The following FRAS1 variants were observed in gnomAD, a reference collection of about 807,000 sequenced individuals.
The protein encoded by FRAS1 is Fraser extracellular matrix complex subunit 1.
A neutral mutation model predicts 435.2 loss-of-function variants in FRAS1; 290 were observed. The observed-to-expected ratio is 0.67, with a 90% CI of 0.61 to 0.73. The LOEUF (loss-of-function observed/expected upper bound fraction) is 0.73, where lower values mean the gene tolerates loss of function less well. Ranked by LOEUF, FRAS1 falls within the 30% of genes least tolerant of loss-of-function variation. The probability of loss-of-function intolerance (pLI) is 0.00; values close to 1 mark genes in which losing one functional copy is unlikely to be tolerated. For missense variants in FRAS1, 4,860 were observed against 5,001.5 expected (o/e 0.97, Z 0.85); for synonymous variants, 1,800 against 1,851.0 (o/e 0.97, Z 0.71).
Position 78,393,008 on chromosome 4 carries a change from C to CT in FRAS1, c.3975+5322dup, listed in dbSNP as rs36105436. Reference sequence around the variant, plus strand: ...TGAGTGGGAAGATTCATGCTTCTTCCTTTTTTTTTTTTTTTAAAAAAAACC... The same window carrying CT: ...TGAGTGGGAAGATTCATGCTTCTTCCTTTTTTTTTTTTTTTTAAAAAAAACC... On this transcript the variant is annotated intron_variant, in intron 29 of 73. Transcript: ENST00000512123. Among the ~76,000 whole-genome samples the CT allele has an allele frequency of 3.2e-3, 449 of 139,408 alleles. 2 individuals carry two copies. The highest frequency in any genetic ancestry group is 7.4e-3 in the South Asian group (32 of 4,320). 91.5% of individuals were successfully genotyped at this position (139,408 alleles called of 152,430 possible).
At chr4:78,461,906 T>C (rs1211961941) in intron 47 of FRAS1, among the ~76,000 whole-genome samples, 1 of 152,196 alleles carries the variant, frequency 6.6e-6, no homozygotes, top group East Asian at 1.9e-4. Context: ...AAATGCCAGC[T>C]AATCTGTAGC....
At chr4:78,114,742 G>A (rs1457994864) in intron 2 of FRAS1, among the ~76,000 whole-genome samples, 2 of 152,242 alleles carry the variant, frequency 1.3e-5, no homozygotes, top group Admixed American at 6.5e-5. Flanking sequence ...ATACGATGGG[G>A]TTTTCTAGAT....
chr4:78,325,417 G>A (rs1729678970), intron 18 of FRAS1, among the ~76,000 whole-genome samples: 1 of 152,210 alleles, frequency 6.6e-6, no homozygotes, highest in Non-Finnish European at 1.5e-5. Flanking sequence ...AAATACGTGG[G>A]CAGGAATCTG....
chr4:78,440,473 T>A (rs1311130039), intron 40 of FRAS1, among the ~76,000 whole-genome samples: 1 of 152,186 alleles, frequency 6.6e-6, no homozygotes, highest in African/African-American at 2.4e-5. Flanking sequence ...CTTCCTACAG[T>A]TAGCCAAGAG....
At chr4:78,077,665 C>T (rs1349156508) in intron 2 of FRAS1, among the ~76,000 whole-genome samples, 1 of 152,052 alleles carries the variant, frequency 6.6e-6, no homozygotes, top group Non-Finnish European at 1.5e-5. Flanking sequence ...CATTATTTAG[C>T]TCCCACTTAT....
At chr4:78,513,643 T>C (rs773501510) in intron 65 of FRAS1, 91 bp downstream of exon 65, 4 of 1,183,624 alleles carry the variant, frequency 3.4e-6, no homozygotes, top group Admixed American at 1.9e-5. Flanking sequence ...GCTTTTCATG[T>C]TTTCTGGTCC....
chr4:78,115,585 C>A (rs981618014), intron 2 of FRAS1, among the ~76,000 whole-genome samples: 32 of 152,138 alleles, frequency 2.1e-4, no homozygotes, highest in African/African-American at 7.2e-4. Context: ...GGAATTTATC[C>A]ATTTCTTCTA....
chr4:78,293,415 G>T (rs891592178), intron 14 of FRAS1, among the ~76,000 whole-genome samples: 12 of 152,198 alleles, frequency 7.9e-5, no homozygotes, highest in Non-Finnish European at 5.9e-5. Context: ...GCTTACAGAT[G>T]ACCTATCTTC....
chr4:78,118,212 C>T (rs897459514), intron 2 of FRAS1, among the ~76,000 whole-genome samples: 6 of 152,168 alleles, frequency 3.9e-5, no homozygotes, highest in East Asian at 3.8e-4. Context: ...GAGGAGTACC[C>T]GGCCATGTGA....
chr4:78,404,014 A>G (rs1055013581), intron 30 of FRAS1, among the ~76,000 whole-genome samples: 1 of 152,180 alleles, frequency 6.6e-6, no homozygotes, highest in African/African-American at 2.4e-5. Flanking sequence ...TATCTGTATA[A>G]ATTTAGACAA....
intron 1 of FRAS1, among the ~76,000 whole-genome samples, chr4:78,065,087 T>TACATAC (rs1560504350): frequency 2.2e-4 from 31 of 141,344 alleles, no homozygotes; most frequent in Admixed American, 7.2e-4. Context: ...TATATATACA[T>TACATAC]ACACACACAC....
intron 2 of FRAS1, among the ~76,000 whole-genome samples, chr4:78,235,413 G>A (rs1006741039): frequency 1.3e-5 from 2 of 152,192 alleles, no homozygotes. Flanking sequence ...GACTCTGTCA[G>A]GAGCTTGGAA....
Position 78,067,676 on chromosome 4 carries a change from T to TTAA in FRAS1, c.108+1662_108+1663insATA, listed in dbSNP as rs1235769304. 2.9e-3 allele frequency among the ~76,000 whole-genome samples: 111 copies of TTAA among 38,030 alleles called. 1 individual carries two copies. Among genetic ancestry groups the TTAA allele is most frequent in the African/African-American group, 6.3e-3 (100 of 15,904 alleles). The allele number at this position is 38,030 out of a possible 152,430, so 24.9% of individuals were successfully genotyped here. ...TTTTTCTTTTTTTTTCTTTCTTTTATTATTATTATTATTATTATTATTATT... is the reference window on the plus strand; with the variant it reads ...TTTTTCTTTTTTTTTCTTTCTTTTATTAATATTATTATTATTATTATTATTATT... On this transcript the variant is annotated intron_variant, in intron 2 of 73. Transcript: ENST00000512123.
chr4:78,489,963 G>GA (rs1553891063), intron 59 of FRAS1, among the ~76,000 whole-genome samples: 95 of 5,904 alleles, frequency 0.016, no homozygotes, highest in African/African-American at 0.021. Context: ...AAAGCTAGTG[G>GA]AAAACAAAAA....
rs2110235253 is a variant in FRAS1 at position 78,317,457 on chromosome 4, T to C, written c.1909T>C (p.Cys637Arg). The C allele has an allele frequency of 1.9e-6, 3 of 1,613,928 alleles. No homozygotes were observed. Among genetic ancestry groups the C allele is most frequent in the East Asian group, 4.5e-5 (2 of 44,888 alleles). ...CCCCAAGGCTCTGCGTCAAGGCCAC[T>C]GTCTGCCCCGCTGTGGAGAGGGTTT... ...SPPKALRQGH[C>R]LPRCGEGFYS... The change falls in exon 17 of 74, where the codon TGT (cysteine) becomes CGT (arginine). Residue 637 changes from cysteine to arginine, a missense_variant. Cys to Arg is a radical substitution (Grantham distance 180). Transcript: ENST00000512123.
At chr4:78,455,420 A>AC (rs1553962049) in intron 47 of FRAS1, among the ~76,000 whole-genome samples, 45 of 149,222 alleles carry the variant, frequency 3.0e-4, no homozygotes, top group African/African-American at 1.1e-3. Flanking sequence ...GGAGTTGAGG[A>AC]GGGAGGGGGT....
intron 2 of FRAS1, among the ~76,000 whole-genome samples, chr4:78,213,607 G>T (rs13141398): frequency 0.28 from 42,078 of 152,032 alleles, 6,225 homozygotes; most frequent in Non-Finnish European, 0.32. Context: ...TTATTAAAAT[G>T]TATAACAGAT....
At chr4:78,532,141 A>C (rs1721734791) in intron 70 of FRAS1, among the ~76,000 whole-genome samples, 1 of 152,210 alleles carries the variant, frequency 6.6e-6, no homozygotes, top group Non-Finnish European at 1.5e-5. Context: ...AGGTAAGGCT[A>C]AATGGGATCT....
intron 12 of FRAS1, 53 bp from the exon 13 acceptor site, chr4:78,284,352 G>T (rs1301376835): frequency 9.9e-6 from 15 of 1,515,498 alleles, no homozygotes; most frequent in African/African-American, 9.8e-5. Flanking sequence ...GGATGTAAGA[G>T]AAATAATAGA....
Sources: gnomAD v4.1 joint callset for allele counts (sites outside exome capture counted in the v4.1 genomes callset) on GRCh38, gnomAD v4.1.1 for gene constraint, MANE v1.5 for transcripts, NCBI Gene and HGNC (gene_info 2026-07-23, HGNC 2026-07-21) for gene names.